Variants in SLC17A1 observed in about 807,000 individuals in gnomAD.
SLC17A1 encodes solute carrier family 17 member 1.
Under a neutral mutation model 53.5 loss-of-function variants are expected in SLC17A1, and 51 were observed. That is an observed-to-expected ratio of 0.95 (90% CI 0.76 to 1.20). The LOEUF is 1.20. Ranked by LOEUF, SLC17A1 falls within the 50% of genes most tolerant of loss-of-function variation. SLC17A1 has a pLI of 0.00. For missense variants in SLC17A1, 538 were observed against 568.2 expected, an observed-to-expected ratio of 0.95 and a Z score of 0.54; for synonymous variants, 179 against 198.8, an observed-to-expected ratio of 0.90 and a Z score of 0.84.
Position 25,813,186 on chromosome 6 carries a change from A to G in SLC17A1, c.644T>C (p.Leu215Pro). The G allele has an allele frequency of 6.2e-7, 1 of 1,614,192 alleles. No individual in the cohort carries two copies. The change falls in exon 7 of 13, where the codon CTC (leucine) becomes CCC (proline). Residue 215 changes from leucine to proline, a missense_variant. By Grantham distance (98) the Leu-to-Pro change is moderately conservative. Transcript: ENST00000244527. ...GTCATCATAAAACAGAACGAACCAGAGAAGACATACGGCACAGCCACAAGC... is the reference window on the plus strand; with the variant it reads ...GTCATCATAAAACAGAACGAACCAGGGAAGACATACGGCACAGCCACAAGC... ...FGACGCAVCLLWFVLFYDDPK... is the reference protein window; with the variant it reads ...FGACGCAVCLPWFVLFYDDPK...
At chr6:25,804,753 G>A (rs181294170) in intron 10 of SLC17A1, among the ~76,000 whole-genome samples, 283 of 152,034 alleles carry the variant, frequency 1.9e-3, no homozygotes, top group South Asian at 0.012. Context: ...TCATAAAACA[G>A]AGTTGAAAGC....
the SLC17A1 span, among the ~76,000 whole-genome samples, chr6:25,763,167 A>G: frequency 1.8e-4 from 28 of 152,124 alleles, no homozygotes; most frequent in Non-Finnish European, 3.5e-4. Flanking sequence ...GGTTCCTTCT[A>G]TAGTCTCCTA....
intron 3 of SLC17A1, among the ~76,000 whole-genome samples, chr6:25,820,457 A>G (rs1216491507): frequency 1.3e-5 from 2 of 152,224 alleles, no homozygotes; most frequent in Non-Finnish European, 2.9e-5. Context: ...AAACAACTGC[A>G]CAGAACAATA....
chr6:25,781,925 C>T (rs1451600792), downstream of SLC17A1, among the ~76,000 whole-genome samples: 1 of 152,084 alleles, frequency 6.6e-6, no homozygotes, highest in Admixed American at 6.5e-5. Flanking sequence ...AGCATATGGG[C>T]TCGAAGAAGG....
At chr6:25,770,184 T>C in the SLC17A1 span, 4 of 1,614,110 alleles carry the variant, frequency 2.5e-6, no homozygotes, top group South Asian at 4.4e-5. Flanking sequence ...TGGAGCCAAG[T>C]ATGTGGTTGG....
chr6:25,764,592 C>T, the SLC17A1 span, among the ~76,000 whole-genome samples: 4 of 152,214 alleles, frequency 2.6e-5, no homozygotes, highest in Non-Finnish European at 4.4e-5. Flanking sequence ...ATAAAACTCC[C>T]ATCCTTGAGG....
the SLC17A1 span, chr6:25,726,106 GTC>G: frequency 6.7e-7 from 1 of 1,501,712 alleles, no homozygotes; most frequent in Non-Finnish European, 8.9e-7. Flanking sequence ...TGACACAGAA[GTC>G]TTTTTACCAA....
intron 3 of SLC17A1, among the ~76,000 whole-genome samples, chr6:25,825,767 G>A (rs906436383): frequency 6.6e-6 from 1 of 151,876 alleles, no homozygotes; most frequent in African/African-American, 2.4e-5. Context: ...TGGCATTCTG[G>A]TCATGCACAT....
chr6:25,776,814 G>A, the SLC17A1 span: 1 of 1,613,928 alleles, frequency 6.2e-7, no homozygotes, highest in South Asian at 1.1e-5. Context: ...TACCCCAGGG[G>A]TTCTCTTCCC....
the SLC17A1 span, among the ~76,000 whole-genome samples, chr6:25,768,085 C>G: frequency 6.6e-6 from 1 of 152,204 alleles, no homozygotes; most frequent in Non-Finnish European, 1.5e-5. Flanking sequence ...TTAATTTAAT[C>G]TGTCATATCA....
At chr6:25,830,864 C>A (rs993140619) in intron 1 of SLC17A1, among the ~76,000 whole-genome samples, 2 of 152,078 alleles carry the variant, frequency 1.3e-5, no homozygotes, top group African/African-American at 4.8e-5. Context: ...AATTCTAAAT[C>A]CGTGATAATA....
At chr6:25,794,824 G>T (rs1252422162) in intron 12 of SLC17A1, among the ~76,000 whole-genome samples, 1 of 152,188 alleles carries the variant, frequency 6.6e-6, no homozygotes, top group African/African-American at 2.4e-5. Flanking sequence ...GGTATGCCAG[G>T]CATATTGGCA....
At chr6:25,727,138 G>A in the SLC17A1 span, 108 of 1,614,070 alleles carry the variant, frequency 6.7e-5, no homozygotes, top group South Asian at 7.7e-4. Context: ...CGTATAGCGA[G>A]CGAGGCATCA....
At chr6:25,795,601 A>G (rs909664621) in intron 12 of SLC17A1, among the ~76,000 whole-genome samples, 1 of 152,192 alleles carries the variant, frequency 6.6e-6, no homozygotes, top group Admixed American at 6.5e-5. Context: ...GAAGTCATCT[A>G]TATAAAGGAG....
chr6:25,812,712 A>G (rs1764199930), intron 8 of SLC17A1, 119 bp downstream of exon 8: 1 of 683,260 alleles, frequency 1.5e-6, no homozygotes, highest in Non-Finnish European at 2.4e-6. Flanking sequence ...TTCCAGGTGA[A>G]GAGCAGTAGC....
At chr6:25,794,142 A>C (rs1019682700) in intron 12 of SLC17A1, among the ~76,000 whole-genome samples, 16 of 152,214 alleles carry the variant, frequency 1.1e-4, no homozygotes, top group Non-Finnish European at 8.8e-5. Flanking sequence ...AGCAAATCTG[A>C]ATCATGCATT....
At chr6:25,749,494 A>G in the SLC17A1 span, among the ~76,000 whole-genome samples, 3 of 152,178 alleles carry the variant, frequency 2.0e-5, no homozygotes, top group South Asian at 2.1e-4. Flanking sequence ...ACAAAACCTA[A>G]AAAAATGAAG....
At chr6:25,796,082 C>T (rs1763596211) in intron 12 of SLC17A1, among the ~76,000 whole-genome samples, 1 of 152,128 alleles carries the variant, frequency 6.6e-6, no homozygotes, top group African/African-American at 2.4e-5. Context: ...CTGTGCCCCA[C>T]TCTGTGCCTT....
chr6:25,763,928 A>G, the SLC17A1 span, among the ~76,000 whole-genome samples: 2 of 152,224 alleles, frequency 1.3e-5, no homozygotes, highest in African/African-American at 4.8e-5. Flanking sequence ...TTCTGAGAAG[A>G]AAGAAGATTA....
Sources: allele counts gnomAD v4.1 joint callset (sites outside exome capture counted in the v4.1 genomes callset), GRCh38; gene constraint gnomAD v4.1.1; transcripts MANE v1.5; gene names NCBI Gene and HGNC (gene_info 2026-07-23, HGNC 2026-07-21).